The following DOCK1 variants were observed in gnomAD, a reference collection of about 807,000 sequenced individuals.
DOCK1 encodes the protein dedicator of cytokinesis 1, also known as dedicator of cytokinesis protein 1.
A neutral mutation model predicts 262.7 loss-of-function variants in DOCK1; 138 were observed. The observed-to-expected ratio is 0.53, with a 90% confidence interval of 0.46 to 0.61. The LOEUF (loss-of-function observed/expected upper bound fraction) is 0.61. Ranked by LOEUF, DOCK1 falls within the 20% of genes least tolerant of loss-of-function variation. DOCK1 has a pLI of 0.00. For missense variants in DOCK1, 1,908 were observed against 2,370.7 expected (o/e 0.80, Z 4.05); for synonymous variants, 866 against 867.4 (o/e 1.00, Z 0.03).
chr10:127,113,275 G>A (rs1264664939), intron 25 of DOCK1, among the ~76,000 whole-genome samples: 1 of 152,136 alleles, frequency 6.6e-6, no homozygotes, highest in African/African-American at 2.4e-5. Flanking sequence ...GCCACTGAAT[G>A]CACTTGCCCT....
intron 27 of DOCK1, among the ~76,000 whole-genome samples, chr10:127,148,822 T>C (rs1185986845): frequency 1.3e-5 from 2 of 152,232 alleles, no homozygotes; most frequent in Non-Finnish European, 2.9e-5. Flanking sequence ...AAACGGAAAC[T>C]GGAATCTCTT....
intron 29 of DOCK1, among the ~76,000 whole-genome samples, chr10:127,268,092 A>G (rs2060430252): frequency 6.6e-6 from 1 of 152,182 alleles, no homozygotes; most frequent in East Asian, 1.9e-4. Flanking sequence ...CAGGGATGCT[A>G]CTAAACATCT....
intron 32 of DOCK1, among the ~76,000 whole-genome samples, chr10:127,360,366 A>G (rs887577793): frequency 6.6e-6 from 1 of 151,964 alleles, no homozygotes; most frequent in African/African-American, 2.4e-5. Context: ...AACTAGCAGG[A>G]GGGGGAGGGG....
At chr10:127,412,451 T>G (rs1480131770) in intron 43 of DOCK1, among the ~76,000 whole-genome samples, 2 of 152,206 alleles carry the variant, frequency 1.3e-5, no homozygotes, top group African/African-American at 2.4e-5. Flanking sequence ...ATGTTAATGT[T>G]TATCCGTCTT....
intron 23 of DOCK1, among the ~76,000 whole-genome samples, chr10:127,085,232 T>C (rs2047126439): frequency 1.3e-5 from 2 of 152,180 alleles, no homozygotes; most frequent in Admixed American, 1.3e-4. Flanking sequence ...ACCACATCAG[T>C]GCCAACTAAA....
intron 26 of DOCK1, among the ~76,000 whole-genome samples, chr10:127,126,322 C>T (rs1433195034): frequency 6.6e-6 from 1 of 152,074 alleles, no homozygotes; most frequent in Non-Finnish European, 1.5e-5. Context: ...GTCTCAAACT[C>T]CTGACTTCGT....
At chr10:127,189,965 C>T (rs1479948881) in intron 27 of DOCK1, among the ~76,000 whole-genome samples, 2 of 152,178 alleles carry the variant, frequency 1.3e-5, no homozygotes, top group Admixed American at 1.3e-4. Flanking sequence ...CAGACATCTC[C>T]TTCTCTCATG....
At chr10:126,944,257 G>T (rs1292991549) in intron 1 of DOCK1, among the ~76,000 whole-genome samples, 1 of 151,958 alleles carries the variant, frequency 6.6e-6, no homozygotes, top group East Asian at 1.9e-4. Flanking sequence ...CTGGTCTCCG[G>T]TGGTCCTGGA....
intron 29 of DOCK1, among the ~76,000 whole-genome samples, chr10:127,276,733 A>T (rs971281913): frequency 2.8e-5 from 4 of 144,862 alleles, no homozygotes; most frequent in Non-Finnish European, 3.2e-5. Context: ...AATTTTGAAA[A>T]TGAAATTTTT....
chr10:127,261,799 ATGTGGG>A (rs1414685001), intron 29 of DOCK1, among the ~76,000 whole-genome samples: 2 of 91,118 alleles, frequency 2.2e-5, no homozygotes, highest in South Asian at 3.8e-4. Flanking sequence ...ATGTGTGTGC[ATGTGGG>A]TGTGGGTGTG....
chr10:127,120,284 C>A lies in DOCK1; in HGVS notation c.2624-5190C>A, dbSNP rs568243113. Among the ~76,000 whole-genome samples, 3 of 152,274 alleles carry A rather than the reference C, an allele frequency of 2.0e-5. No individual in the cohort carries two copies. The East Asian group carries it at 5.8e-4, about 29-fold the overall frequency. ...ACTCTGCTTACAATAAATGCCAGTT[C>A]ATAAAAATGAGAAGTCACATACAAG... On this transcript the variant is annotated intron_variant, in intron 25 of 51. Coordinates refer to ENST00000623213, the MANE Select transcript of DOCK1 (RefSeq NM_001290223.2).
intron 2 of DOCK1, among the ~76,000 whole-genome samples, chr10:126,972,388 G>A (rs1565018805): frequency 1.3e-5 from 2 of 152,096 alleles, no homozygotes; most frequent in African/African-American, 4.8e-5. Context: ...GAAATGATGG[G>A]CTTGATTTTT....
intron 23 of DOCK1, among the ~76,000 whole-genome samples, chr10:127,072,169 G>A (rs951041197): frequency 1.3e-5 from 2 of 152,156 alleles, no homozygotes; most frequent in Admixed American, 1.3e-4. Flanking sequence ...GATTTATTCA[G>A]CATTTCTCTG....
intron 27 of DOCK1, among the ~76,000 whole-genome samples, chr10:127,133,967 T>G (rs2050487597): frequency 6.6e-6 from 1 of 152,230 alleles, no homozygotes; most frequent in Non-Finnish European, 1.5e-5. Flanking sequence ...TGCTGTGATC[T>G]TTAGGTGACA....
intron 44 of DOCK1, among the ~76,000 whole-genome samples, chr10:127,415,719 A>C (rs573749707): frequency 1.1e-4 from 17 of 152,314 alleles, no homozygotes; most frequent in Admixed American, 9.2e-4. Flanking sequence ...TTTTTAAAGA[A>C]ATAACGATTT....
chr10:127,059,855 G>A (rs928165963), intron 22 of DOCK1, among the ~76,000 whole-genome samples: 7 of 152,080 alleles, frequency 4.6e-5, no homozygotes, highest in Non-Finnish European at 7.4e-5. Flanking sequence ...AATAATTTTT[G>A]TTTGAAGTCA....
At chr10:127,057,426 A>G (rs2045235058) in intron 22 of DOCK1, among the ~76,000 whole-genome samples, 2 of 152,214 alleles carry the variant, frequency 1.3e-5, no homozygotes, top group Admixed American at 6.5e-5. Context: ...AAGAGGTGAA[A>G]CTTTGAAGAT....
At chr10:127,405,421 T>C (rs1367698719) in intron 40 of DOCK1, among the ~76,000 whole-genome samples, 1 of 151,752 alleles carries the variant, frequency 6.6e-6, no homozygotes, top group Admixed American at 6.6e-5. Flanking sequence ...TGGGTCATGA[T>C]TTCCTGATAT....
intron 46 of DOCK1, among the ~76,000 whole-genome samples, chr10:127,420,867 T>A (rs1301943862): frequency 1.3e-5 from 2 of 151,410 alleles, no homozygotes; most frequent in African/African-American, 4.9e-5. Context: ...AGGGCAAGGC[T>A]GTTCCTCTTA....
Sources: gnomAD v4.1 joint callset for allele counts (sites outside exome capture counted in the v4.1 genomes callset) on GRCh38, gnomAD v4.1.1 for gene constraint, MANE v1.5 for transcripts, NCBI Gene and HGNC (gene_info 2026-07-23, HGNC 2026-07-21) for gene names.